The following CCSER1 variants were observed in gnomAD, a reference collection of about 807,000 sequenced individuals.
CCSER1 encodes the protein coiled-coil serine rich protein 1.
Under a neutral mutation model 82.0 loss-of-function variants are expected in CCSER1, and 41 were observed. That is an observed-to-expected ratio of 0.50 (90% CI 0.39 to 0.65). The LOEUF (loss-of-function observed/expected upper bound fraction) is 0.65. CCSER1 is among the 30% of genes least tolerant of loss of function. The pLI is 0.00. For missense variants in CCSER1, 1,119 were observed against 1,064.2 expected (o/e 1.05, Z -0.72); for synonymous variants, 414 against 383.9 (o/e 1.08, Z -0.92).
intron 9 of CCSER1, among the ~76,000 whole-genome samples, chr4:91,021,545 G>C (rs930546191): frequency 1.2e-4 from 18 of 152,106 alleles, no homozygotes; most frequent in Admixed American, 3.3e-4. Flanking sequence ...ATGAGTCAAA[G>C]TATAATTATT....
At chr4:90,169,759 A>C (rs1381629377) in intron 1 of CCSER1, among the ~76,000 whole-genome samples, 1 of 151,902 alleles carries the variant, frequency 6.6e-6, no homozygotes, top group East Asian at 1.9e-4. Context: ...CTTGTTCCTC[A>C]TTAGTTAGCC....
chr4:90,409,011 A>G (rs1308665713), intron 4 of CCSER1, among the ~76,000 whole-genome samples: 1 of 152,224 alleles, frequency 6.6e-6, no homozygotes, highest in African/African-American at 2.4e-5. Flanking sequence ...GATGCGATCA[A>G]CTGGAAGAAA....
Position 90,248,553 on chromosome 4 carries a change from A to G in CCSER1, c.-41-59691A>G, listed in dbSNP as rs143516434. Among the ~76,000 whole-genome samples the G allele has an allele frequency of 3.0e-3, 451 of 152,220 alleles. 1 individual carries two copies. The highest frequency in any genetic ancestry group is 0.017 in the Middle Eastern group (5 of 294). ...AACCTTCTGCTCAGGTCCTTAGGTA[A>G]ATGTTGGGTATGCGCCACCATTAAA... On this transcript the variant is annotated intron_variant, in intron 1 of 10. Coordinates refer to ENST00000509176, the MANE Select transcript of CCSER1 (RefSeq NM_001145065.2).
At chr4:91,565,790 G>A (rs1009859156) in intron 10 of CCSER1, among the ~76,000 whole-genome samples, 1 of 152,056 alleles carries the variant, frequency 6.6e-6, no homozygotes, top group Non-Finnish European at 1.5e-5. Context: ...TGCTGGAGCA[G>A]CTATTGGGCT....
At chr4:91,048,572 TAA>T (rs1256253679) in intron 9 of CCSER1, among the ~76,000 whole-genome samples, 3 of 152,088 alleles carry the variant, frequency 2.0e-5, no homozygotes, top group Admixed American at 6.6e-5. Context: ...CAGGCTACAA[TAA>T]GAGAGAAGGT....
intron 10 of CCSER1, among the ~76,000 whole-genome samples, chr4:91,455,843 G>A (rs989338322): frequency 6.6e-6 from 1 of 152,072 alleles, no homozygotes; most frequent in Non-Finnish European, 1.5e-5. Flanking sequence ...ATGGGGGAAA[G>A]TTGTATATGC....
At chr4:90,229,895 G>A (rs1376722699) in intron 1 of CCSER1, among the ~76,000 whole-genome samples, 1 of 152,172 alleles carries the variant, frequency 6.6e-6, no homozygotes, top group Non-Finnish European at 1.5e-5. Context: ...TAATGGGAAA[G>A]GGATCAATTC....
chr4:91,405,290 C>G (rs1253998324), intron 10 of CCSER1, among the ~76,000 whole-genome samples: 3 of 151,752 alleles, frequency 2.0e-5, no homozygotes, highest in African/African-American at 7.3e-5. Context: ...CTTCCTTACA[C>G]CTTATACAAA....
At chr4:91,043,039 G>C (rs1180127585) in intron 9 of CCSER1, among the ~76,000 whole-genome samples, 1 of 151,964 alleles carries the variant, frequency 6.6e-6, no homozygotes, top group Non-Finnish European at 1.5e-5. Flanking sequence ...CATTAAATGT[G>C]TTTTGGAGTA....
chr4:91,594,420 T>TACAC (rs1491006900), intron 10 of CCSER1, among the ~76,000 whole-genome samples: 1 of 147,452 alleles, frequency 6.8e-6, no homozygotes, highest in Non-Finnish European at 1.5e-5. Flanking sequence ...CACATATATA[T>TACAC]ACATATATAC....
chr4:91,414,332 GAAGTT>G (rs1753229088), intron 10 of CCSER1, among the ~76,000 whole-genome samples: 2 of 152,054 alleles, frequency 1.3e-5, no homozygotes, highest in African/African-American at 2.4e-5. Flanking sequence ...CCATGCAATT[GAAGTT>G]AAGTTGTTAT....
chr4:91,378,521 G>A (rs899203045), intron 10 of CCSER1, among the ~76,000 whole-genome samples: 1 of 152,142 alleles, frequency 6.6e-6, no homozygotes, highest in Non-Finnish European at 1.5e-5. Flanking sequence ...AATTGTAAAT[G>A]GGAGTTCACT....
At chr4:91,197,723 T>C (rs778631989) in intron 10 of CCSER1, among the ~76,000 whole-genome samples, 4 of 152,158 alleles carry the variant, frequency 2.6e-5, no homozygotes, top group South Asian at 2.1e-4. Flanking sequence ...TCTATTTCTA[T>C]TGGACAGCAG....
chr4:90,873,893 T>C (rs1223725921), intron 8 of CCSER1, among the ~76,000 whole-genome samples: 1 of 152,208 alleles, frequency 6.6e-6, no homozygotes, highest in East Asian at 1.9e-4. Flanking sequence ...TTTTCTCATA[T>C]TTTTGATTTA....
chr4:91,189,284 G>C (rs571718174), intron 10 of CCSER1, among the ~76,000 whole-genome samples: 1 of 152,156 alleles, frequency 6.6e-6, no homozygotes, highest in South Asian at 2.1e-4. Context: ...GATTTAGGTA[G>C]AATCCAAGTA....
intron 1 of CCSER1, among the ~76,000 whole-genome samples, chr4:90,183,142 G>A (rs548623752): frequency 1.3e-5 from 2 of 152,138 alleles, no homozygotes; most frequent in South Asian, 2.1e-4. Context: ...TTTAAATGAT[G>A]CCATCTAAAG....
At chr4:91,536,950 A>C (rs1761328730) in intron 10 of CCSER1, among the ~76,000 whole-genome samples, 1 of 151,972 alleles carries the variant, frequency 6.6e-6, no homozygotes, top group South Asian at 2.1e-4. Flanking sequence ...GTTCTTAATC[A>C]CTGGAATCCC....
At chr4:90,788,620 C>T (rs1034351968) in intron 7 of CCSER1, among the ~76,000 whole-genome samples, 8 of 152,090 alleles carry the variant, frequency 5.3e-5, no homozygotes, top group Admixed American at 5.2e-4. Context: ...GGCTCACTTC[C>T]CTCCAGTATT....
intron 9 of CCSER1, chr4:90,951,077 T>C (rs1191010372): frequency 6.6e-6 from 1 of 152,044 alleles, no homozygotes; most frequent in African/African-American, 2.4e-5. Context: ...TAAATAAAAT[T>C]TATCTCACTA....
Sources: allele counts gnomAD v4.1 joint callset (sites outside exome capture counted in the v4.1 genomes callset), GRCh38; gene constraint gnomAD v4.1.1; transcripts MANE v1.5; gene names NCBI Gene and HGNC (gene_info 2026-07-23, HGNC 2026-07-21).